SF3A2: variants seen among roughly 807,000 people sequenced by gnomAD.
The protein encoded by SF3A2 is SAP 62.
In SF3A2, 5 loss-of-function variants were observed where a neutral mutation model predicts 31.1. The observed-to-expected ratio is 0.16, with a 90% CI of 0.08 to 0.34. SF3A2 has a LOEUF of 0.34. Among genes scored for constraint, SF3A2 ranks in the 10% least tolerant of loss-of-function variants. SF3A2 has a pLI of 1.00. For missense variants in SF3A2, 577 were observed against 643.9 expected, an observed-to-expected ratio of 0.90 and a Z score of 1.13; for synonymous variants, 365 against 263.7, an observed-to-expected ratio of 1.38 and a Z score of -3.72.
chr19:2,237,199 C>T (rs2024832650), intron 1 of SF3A2: 2 of 152,234 alleles, frequency 1.3e-5, no homozygotes, highest in Admixed American at 1.3e-4. Flanking sequence ...GGGAGGATCG[C>T]TTGAGGCCAG....
At chr19:2,239,356 CA>C (rs60571903) in intron 1 of SF3A2, among the ~76,000 whole-genome samples, 77,104 of 99,886 alleles carry the variant, frequency 0.77, 28,806 homozygotes, top group Middle Eastern at 0.85. Flanking sequence ...GAATCCGTCT[CA>C]AAAAAAAAAA....
At position 2,244,624 on chromosome 19, in the gene SF3A2, T is replaced by G. The variant is rs45502694; in HGVS notation, c.198+9T>G. ...CACTTCACAACAATGAGGTGCGGCC[T>G]CTGCCTGGCTCCGGGCGGCTCGCGG... On this transcript the variant is annotated intron_variant, in intron 3 of 8. Transcript: ENST00000221494. 52,946 of 1,613,656 alleles carry G rather than the reference T, an allele frequency of 0.033. 1,028 individuals carry two copies. Among genetic ancestry groups the G allele is most frequent in the Non-Finnish European group, 0.039 (45,597 of 1,179,598 alleles).
rs761246579 is a variant in SF3A2 at position 2,243,464 on chromosome 19, G to A, written c.46G>A (p.Val16Met). ...CGGGGGCAAGACCGGGAGCGGGGGC[G>A]TGGCCTCCTCCTCCGAGAGCAACCG... is the stretch of plus-strand genomic sequence containing the variant. ...RPGGKTGSGG[V>M]ASSSESNRDR... is the part of the protein sequence containing the mutation. Residue 16 changes from valine (V) to methionine (M), a missense_variant, in exon 2 of 9, where the codon GTG (valine) becomes ATG (methionine). Coordinates refer to ENST00000221494, the MANE Select transcript of SF3A2 (RefSeq NM_007165.5). 1.4e-5 allele frequency: 22 copies of A among 1,555,014 alleles called. No individual in the cohort carries two copies. Among genetic ancestry groups the A allele is most frequent in the African/African-American group, 8.5e-5 (6 of 70,224 alleles).
chr19:2,241,109 C>CGACAGGGACA (rs1339563264), intron 1 of SF3A2, among the ~76,000 whole-genome samples: 1 of 152,140 alleles, frequency 6.6e-6, no homozygotes, highest in African/African-American at 2.4e-5. Context: ...GGAGAGGCCA[C>CGACAGGGACA]GACAGGGACA....
intron 1 of SF3A2, among the ~76,000 whole-genome samples, chr19:2,238,169 G>A (rs943680420): frequency 9.2e-5 from 14 of 152,132 alleles, no homozygotes; most frequent in Admixed American, 9.2e-4. Flanking sequence ...GATCACAGGT[G>A]CTCACCACCA....
In SF3A2 at chr19:2,245,743, A is replaced by C. The variant is rs879187197; in HGVS notation, c.355+188A>C. The C allele has an allele frequency of 1.7e-6, 1 of 601,624 alleles. No individual in the cohort carries two copies. The highest frequency in any genetic ancestry group is 2.7e-5 in the Admixed American group (1 of 37,104). The allele number at this position is 601,624 out of a possible 1,614,324, so 37.3% of individuals were successfully genotyped here. ...TCTGGGAGCTGTCAGGCTGGGCCCG[A>C]TAAGCACCCATCTCACCCAGCAGCC... On this transcript the variant is annotated intron_variant, in intron 5 of 8. Coordinates refer to ENST00000221494, the MANE Select transcript of SF3A2 (RefSeq NM_007165.5). This position sits in a 1 kb window ranked among gnomAD's most constrained non-coding sequence, Gnocchi z 4.2.
In SF3A2 at chr19:2,243,523, G is replaced by A. The variant is rs1465147351; in HGVS notation, c.105G>A (p.Leu35=). Residue 35 remains leucine, a synonymous_variant, in exon 2 of 9, where the codon CTG becomes CTA. Coordinates refer to ENST00000221494, the MANE Select transcript of SF3A2 (RefSeq NM_007165.5). ...GGGAGCGCCTCCGGCAGCTGGCCCTGGAGACCATCGACATCAACAAGGTGG... is the reference window on the plus strand; with the variant it reads ...GGGAGCGCCTCCGGCAGCTGGCCCTAGAGACCATCGACATCAACAAGGTGG... ...DRRERLRQLA[L]ETIDINKDPY... 3.2e-6 allele frequency: 5 copies of A among 1,552,592 alleles called. No homozygotes were observed. In the Admixed American group the frequency reaches 8.5e-5, roughly 27 times the overall value.
At chr19:2,238,894 C>T (rs567019159) in intron 1 of SF3A2, among the ~76,000 whole-genome samples, 1 of 152,334 alleles carries the variant, frequency 6.6e-6, no homozygotes, top group African/African-American at 2.4e-5. Flanking sequence ...GTGCTGACCT[C>T]TGTTTCCAGT....
Position 2,245,285 on chromosome 19 carries a change from C to A in SF3A2, c.246-161C>A. The A allele has an allele frequency of 1.7e-6, 1 of 605,480 alleles. No homozygotes were observed. The highest frequency in any genetic ancestry group is 3.0e-6 in the Non-Finnish European group (1 of 338,818). The allele number at this position is 605,480 out of a possible 1,614,324, so 37.5% of individuals were successfully genotyped here. On this transcript the variant is annotated intron_variant, in intron 4 of 8. Transcript: ENST00000221494. The surrounding 1 kb of genome is among the most constrained non-coding windows in gnomAD (Gnocchi z 4.2). ...AGGAAGAGAACATGCCTGTCCTATC[C>A]CTGTCCTCAGCCAAACCCCAGGGCC...
In SF3A2 at chr19:2,248,120, C is replaced by T; in HGVS notation, c.969C>T (p.His323=). The change falls in exon 9 of 9, where the codon CAC becomes CAT. Residue 323 remains histidine (H), a synonymous_variant. Transcript: ENST00000221494. ...TCCATCCCCCAGCCCCTGGGGTCCA[C>T]CCACCAACCTCTGGGGTCCACCCCC... ...PGVHPPAPGV[H]PPTSGVHPPA... is the part of the protein sequence containing the mutation. 7.6e-7 allele frequency: 1 copy of T among 1,323,530 alleles called. No individual in the cohort carries two copies. The highest frequency in any genetic ancestry group is 1.1e-6 in the Non-Finnish European group (1 of 947,992). 82.0% of individuals were successfully genotyped at this position (1,323,530 alleles called of 1,614,324 possible). A position where few individuals can be genotyped will look rare whatever the true frequency, so the allele number is the denominator to read the frequency against.
chr19:2,238,317 C>A (rs1029109752), intron 1 of SF3A2, among the ~76,000 whole-genome samples: 1 of 152,194 alleles, frequency 6.6e-6, no homozygotes, highest in African/African-American at 2.4e-5. Flanking sequence ...CCACTGCACC[C>A]GGCTAATTTT....
rs1315338588 is a variant in SF3A2, at chr19:2,248,093, C to T, written c.942C>T (p.Gly314=). Residue 314 remains glycine, a synonymous_variant, in exon 9 of 9, where the codon GGC becomes GGT. Coordinates refer to ENST00000221494, the MANE Select transcript of SF3A2 (RefSeq NM_007165.5). ...PAPGVHPPAP[G]VHPPAPGVHP... ...CTGGCGTCCACCCCCCAGCTCCTGG[C>T]GTCCATCCCCCAGCCCCTGGGGTCC... 13 of 967,904 alleles carry T rather than the reference C, an allele frequency of 1.3e-5. No homozygotes were observed. Among genetic ancestry groups the T allele is most frequent in the East Asian group, 2.6e-5 (1 of 38,268 alleles). The allele number at this position is 967,904 out of a possible 1,614,324, so 60.0% of individuals were successfully genotyped here.
At chr19:2,237,126 C>T (rs542916423) in intron 1 of SF3A2, among the ~76,000 whole-genome samples, 15 of 152,110 alleles carry the variant, frequency 9.9e-5, no homozygotes, top group African/African-American at 3.4e-4. Flanking sequence ...TTTCCAAACT[C>T]CTGTTGGGAG....
Position 2,248,115 on chromosome 19 carries a change from G to T in SF3A2, c.964G>T (p.Val322Phe). The change falls in exon 9 of 9, where the codon GTC becomes TTC. Residue 322 changes from valine (V) to phenylalanine (F), a missense_variant. Transcript: ENST00000221494. ...TGGCGTCCATCCCCCAGCCCCTGGG[G>T]TCCACCCACCAACCTCTGGGGTCCA... ...APGVHPPAPG[V>F]HPPTSGVHPP... The T allele has an allele frequency of 1.6e-6, 2 of 1,282,602 alleles. No homozygotes were observed. The highest frequency in any genetic ancestry group is 2.2e-6 in the Non-Finnish European group (2 of 911,322). The allele number at this position is 1,282,602 out of a possible 1,614,324, so 79.5% of individuals were successfully genotyped here. A position where few individuals can be genotyped will look rare whatever the true frequency, so the allele number is the denominator to read the frequency against.
rs2024939588 is a variant in SF3A2 at position 2,246,919 on chromosome 19, G to A, written c.443G>A (p.Arg148His). 1 of 1,609,890 alleles carries A rather than the reference G, an allele frequency of 6.2e-7. No homozygotes were observed. The highest frequency in any genetic ancestry group is 1.3e-5 in the African/African-American group (1 of 74,672). Residue 148 changes from arginine to histidine, a missense_variant, in exon 7 of 9, where the codon CGT becomes CAT. Arg to His is a conservative substitution (Grantham distance 29). This residue lies in a region of SF3A2 where 0 missense variants were observed against 17.4 expected (regional missense o/e 0.00). Coordinates refer to ENST00000221494, the MANE Select transcript of SF3A2 (RefSeq NM_007165.5). This position sits in a 1 kb window ranked among gnomAD's most constrained non-coding sequence, Gnocchi z 5.5. Reference protein sequence around the residue: ...YPEIAEGIMPRHRFMSAYEQR... With the variant: ...YPEIAEGIMPHHRFMSAYEQR... The stretch of plus-strand genomic sequence containing the variant: ...GAGATCGCCGAGGGCATCATGCCAC[G>A]TCACCGCTTCATGTCTGCGTACGAG...
chr19:2,247,031 G>T lies in SF3A2; in HGVS notation c.546+9G>T. The T allele has an allele frequency of 7.8e-7, 1 of 1,288,566 alleles. No homozygotes were observed. 79.8% of individuals were successfully genotyped at this position (1,288,566 alleles called of 1,614,324 possible). The stretch of plus-strand genomic sequence containing the variant: ...AGACCATTGCCTTCAAGGTAGCGTG[G>T]CTGCGGGGTTCCCTGGGCCCCCTTG... On this transcript the variant is annotated intron_variant, in intron 7 of 8. Transcript: ENST00000221494.
At chr19:2,240,434 G>A (rs2024879732) in intron 1 of SF3A2, among the ~76,000 whole-genome samples, 3 of 152,342 alleles carry the variant, frequency 2.0e-5, no homozygotes, top group South Asian at 2.1e-4. Flanking sequence ...CCGGGGTGCC[G>A]CCCCATTTCA....
chr19:2,247,999 C>T lies in SF3A2; in HGVS notation c.848C>T (p.Pro283Leu), dbSNP rs2024957097. ...GPPGPPQLPP[P>L]APGVHPPAPV... ...CCGGGACCACCCCAGCTACCCCCGC[C>T]AGCTCCAGGGGTCCACCCCCCGGCC... The change falls in exon 9 of 9, where the codon CCA becomes CTA. Residue 283 changes from proline (P) to leucine (L), a missense_variant. Physicochemically the swap from Pro to Leu is moderately conservative, Grantham distance 98. Transcript: ENST00000221494. 2.1e-6 allele frequency: 2 copies of T among 950,622 alleles called. No homozygotes were observed. Among genetic ancestry groups the T allele is most frequent in the African/African-American group, 1.6e-5 (1 of 61,330 alleles). The allele number at this position is 950,622 out of a possible 1,614,324, so 58.9% of individuals were successfully genotyped here. A position where few individuals can be genotyped will look rare whatever the true frequency, so the allele number is the denominator to read the frequency against.
In SF3A2 at chr19:2,248,169, G is replaced by GCCCCCGGAGTCCACCCTCCAGC; in HGVS notation, c.1025_1026insAGTCCACCCTCCAGCCCCCCGG (p.Gly349ArgfsTer?). On this transcript the variant is annotated frameshift_variant, in exon 9 of 9. Transcript: ENST00000221494. LOFTEE classifies it low-confidence loss of function (END_TRUNC). ...CCCAGCTCCTGGAGTCCACCCTCCAGCCCCCGGGGTTCACCCACCAGCCCC... is the reference window on the plus strand; with the variant it reads ...CCCAGCTCCTGGAGTCCACCCTCCAGCCCCCGGAGTCCACCCTCCAGCCCCCCGGGGTTCACCCACCAGCCCC... 1 of 1,450,846 alleles carries GCCCCCGGAGTCCACCCTCCAGC rather than the reference G, an allele frequency of 6.9e-7. No homozygotes were observed. Among genetic ancestry groups the GCCCCCGGAGTCCACCCTCCAGC allele is most frequent in the Non-Finnish European group, 9.3e-7 (1 of 1,077,930 alleles). 89.9% of individuals were successfully genotyped at this position (1,450,846 alleles called of 1,614,324 possible). A position where few individuals can be genotyped will look rare whatever the true frequency, so the allele number is the denominator to read the frequency against.
Sources: allele counts gnomAD v4.1 joint callset (sites outside exome capture counted in the v4.1 genomes callset), GRCh38; gene constraint gnomAD v4.1.1; regional missense constraint gnomAD v4.1.1; non-coding constraint Gnocchi (gnomAD v3.1); transcripts MANE v1.5; gene names NCBI Gene and HGNC (gene_info 2026-07-23, HGNC 2026-07-21).